Variants in DMRT3 observed in about 807,000 individuals in gnomAD.
DMRT3 encodes the protein doublesex- and mab-3-related transcription factor 3.
In DMRT3, 29 loss-of-function variants were observed where a neutral mutation model predicts 34.9. The ratio of observed to expected loss-of-function variants is 0.83; its 90% CI spans 0.62 to 1.13. The LOEUF is 1.13. Ranked by LOEUF, DMRT3 falls within the 50% of genes most tolerant of loss-of-function variation. The pLI is 0.00. For synonymous variants in DMRT3, 350 were observed against 286.0 expected (o/e 1.22, Z -2.26); for missense variants, 772 against 629.1 (o/e 1.23, Z -2.43).
Position 990,551 on chromosome 9 carries a change from C to A in DMRT3, c.965C>A (p.Pro322His). 2 of 1,614,118 alleles carry A rather than the reference C, an allele frequency of 1.2e-6. No individual in the cohort carries two copies. The highest frequency in any genetic ancestry group is 1.7e-6 in the Non-Finnish European group (2 of 1,180,022). The change falls in exon 2 of 2, where the codon CCC becomes CAC. Residue 322 changes from proline (P) to histidine (H), a missense_variant. Transcript: ENST00000190165. The part of the protein sequence containing the change: ...HIFEHTLSSY[P>H]ISSSKWSVGS... ...TTTGAACACACCTTGAGCTCCTACC[C>A]CATCTCGTCTTCCAAATGGTCTGTG...
chr9:991,484 A>G lies in DMRT3; in HGVS notation c.*479A>G, dbSNP rs1820363457. 1 of 154,932 alleles carries G rather than the reference A, an allele frequency of 6.5e-6. No individual in the cohort carries two copies. Among genetic ancestry groups the G allele is most frequent in the African/African-American group, 2.4e-5 (1 of 41,482 alleles). 9.6% of individuals were successfully genotyped at this position (154,932 alleles called of 1,614,324 possible). Reference sequence around the variant, plus strand: ...TACACTAAAAATCCTTGCATTTTAAAGAGAGATGCACTTAAGAATAGAGTG... The same window carrying G: ...TACACTAAAAATCCTTGCATTTTAAGGAGAGATGCACTTAAGAATAGAGTG... On this transcript the variant is annotated 3_prime_UTR_variant, in exon 2 of 2. Transcript: ENST00000190165.
In DMRT3 at chr9:990,520, C is replaced by T. The variant is rs117758829; in HGVS notation, c.934C>T (p.His312Tyr). ...PESLALPSNG[H>Y]IFEHTLSSYP... ...GAGTCTAGCGTTGCCCTCCAATGGG[C>T]ACATCTTTGAACACACCTTGAGCTC... Residue 312 changes from histidine to tyrosine, a missense_variant, in exon 2 of 2, where the codon CAC becomes TAC. Physicochemically the swap from His to Tyr is moderately conservative, Grantham distance 83 (BLOSUM62 2). Transcript: ENST00000190165. 1.6e-3 allele frequency: 2,589 copies of T among 1,614,140 alleles called. 4 individuals are homozygous for T. The highest frequency in any genetic ancestry group is 2.0e-3 in the Non-Finnish European group (2,352 of 1,180,022).
At chr9:985,615 ATTTAG>A (rs1013685435) in intron 1 of DMRT3, among the ~76,000 whole-genome samples, 1 of 152,344 alleles carries the variant, frequency 6.6e-6, no homozygotes, top group African/African-American at 2.4e-5. Flanking sequence ...TTTACAATAT[ATTTAG>A]TTTAGGTGCA....
chr9:982,307 G>T (rs1353041591), intron 1 of DMRT3, among the ~76,000 whole-genome samples: 1 of 152,180 alleles, frequency 6.6e-6, no homozygotes, highest in African/African-American at 2.4e-5. Context: ...CGGTTTGGCA[G>T]GAAAAACGAG....
chr9:983,042 A>G (rs1003383376), intron 1 of DMRT3, among the ~76,000 whole-genome samples: 7 of 152,196 alleles, frequency 4.6e-5, no homozygotes, highest in African/African-American at 1.7e-4. Context: ...GTTACGTCCC[A>G]CATCGCCTTA....
At chr9:980,685 T>G (rs1449787263) in intron 1 of DMRT3, among the ~76,000 whole-genome samples, 1 of 126,292 alleles carries the variant, frequency 7.9e-6, no homozygotes, top group Non-Finnish European at 1.8e-5. Context: ...TCATACTCCT[T>G]CTCCCCATGA....
chr9:984,045 C>A (rs901181700), intron 1 of DMRT3, among the ~76,000 whole-genome samples: 9 of 151,828 alleles, frequency 5.9e-5, no homozygotes, highest in African/African-American at 2.2e-4. Flanking sequence ...TAAAATAATT[C>A]ATCACTTCTA....
intron 1 of DMRT3, among the ~76,000 whole-genome samples, chr9:988,675 C>G (rs572569879): frequency 6.6e-6 from 1 of 152,002 alleles, no homozygotes; most frequent in South Asian, 2.1e-4. Context: ...GAAATTTCAC[C>G]GGCTGGCTAT....
At chr9:985,317 G>C (rs115267362) in intron 1 of DMRT3, among the ~76,000 whole-genome samples, 1,667 of 152,218 alleles carry the variant, frequency 0.011, 23 homozygotes, top group African/African-American at 0.037. Context: ...AATATTATCA[G>C]TTGATATACA....
At chr9:982,898 G>T (rs907321363) in intron 1 of DMRT3, among the ~76,000 whole-genome samples, 26 of 152,214 alleles carry the variant, frequency 1.7e-4, no homozygotes, top group African/African-American at 6.3e-4. Flanking sequence ...GCCATTAGCT[G>T]CTCAGGTCCT....
chr9:987,758 T>A (rs1438627072), intron 1 of DMRT3, among the ~76,000 whole-genome samples: 1 of 152,146 alleles, frequency 6.6e-6, no homozygotes, highest in African/African-American at 2.4e-5. Flanking sequence ...TACGCTAAAA[T>A]TAAAAAATAA....
chr9:979,054 G>T (rs996147391), intron 1 of DMRT3, among the ~76,000 whole-genome samples: 3 of 152,034 alleles, frequency 2.0e-5, no homozygotes, highest in Non-Finnish European at 4.4e-5. Flanking sequence ...CTCTGGTTCC[G>T]TTTCCCCCAG....
chr9:986,277 T>G (rs531581502), intron 1 of DMRT3, among the ~76,000 whole-genome samples: 9 of 152,278 alleles, frequency 5.9e-5, no homozygotes, highest in Non-Finnish European at 1.3e-4. Flanking sequence ...TTGTCAGACT[T>G]GTAATCCTGG....
chr9:982,970 G>C (rs1820240289), intron 1 of DMRT3, among the ~76,000 whole-genome samples: 1 of 152,170 alleles, frequency 6.6e-6, no homozygotes, highest in African/African-American at 2.4e-5. Context: ...TCATGGCAGA[G>C]GTGGAGGATG....
rs575946035 is a variant in DMRT3 at position 976,945 on chromosome 9, A to G, written c.-57A>G. On this transcript the variant is annotated 5_prime_UTR_variant, in exon 1 of 2. Transcript: ENST00000190165. The surrounding 1 kb of genome is among the most constrained non-coding windows in gnomAD (Gnocchi z 4.5). The stretch of plus-strand genomic sequence containing the variant: ...AGCGGGCCTCGCAGCCCCGCCGTCC[A>G]GCGCTCCCTGGCCCTCTCCCGCAGC... 5,497 of 1,390,294 alleles carry G rather than the reference A, an allele frequency of 4.0e-3. 14 individuals carry two copies. The highest frequency in any genetic ancestry group is 4.6e-3 in the Non-Finnish European group (4,920 of 1,068,978). 86.1% of individuals were successfully genotyped at this position (1,390,294 alleles called of 1,614,324 possible). A position where few individuals can be genotyped will look rare whatever the true frequency, so the allele number is the denominator to read the frequency against.
Position 990,371 on chromosome 9 carries a change from A to G in DMRT3, c.785A>G (p.Gln262Arg), listed in dbSNP as rs1325407392. Reference protein sequence around the residue: ...LEVLKKIFPNQKPTVLELILK... With the variant: ...LEVLKKIFPNRKPTVLELILK... ...GTGTTAAAAAAGATATTCCCCAACC[A>G]GAAGCCAACGGTGCTTGAGCTCATC... The change falls in exon 2 of 2, where the codon CAG (glutamine) becomes CGG (arginine). Residue 262 changes from glutamine to arginine, a missense_variant. Gln to Arg is a conservative substitution (Grantham distance 43). Coordinates refer to ENST00000190165, the MANE Select transcript of DMRT3 (RefSeq NM_021240.4). 1 of 1,614,024 alleles carries G rather than the reference A, an allele frequency of 6.2e-7. No homozygotes were observed. Among genetic ancestry groups the G allele is most frequent in the Non-Finnish European group, 8.5e-7 (1 of 1,180,036 alleles).
At chr9:982,784 C>T (rs1020363600) in intron 1 of DMRT3, among the ~76,000 whole-genome samples, 5 of 152,226 alleles carry the variant, frequency 3.3e-5, no homozygotes, top group African/African-American at 1.2e-4. Context: ...AAACCATGGG[C>T]CTGCCTGCCC....
rs764166688 is a variant in DMRT3 at position 990,870 on chromosome 9, C to T, written c.1284C>T (p.Arg428=). The change falls in exon 2 of 2, where the codon CGC becomes CGT. Residue 428 remains arginine, a synonymous_variant. Coordinates refer to ENST00000190165, the MANE Select transcript of DMRT3 (RefSeq NM_021240.4). ...VFRSSPVLPA[R]ATEDPRISIP... Reference sequence around the variant, plus strand: ...GAAGCTCGCCCGTCCTTCCTGCCCGCGCCACGGAAGACCCTCGGATTTCCA... The same window carrying T: ...GAAGCTCGCCCGTCCTTCCTGCCCGTGCCACGGAAGACCCTCGGATTTCCA... 39 of 1,614,012 alleles carry T rather than the reference C, an allele frequency of 2.4e-5. No individual in the cohort carries two copies. Among genetic ancestry groups the T allele is most frequent in the Admixed American group, 1.7e-4 (10 of 60,008 alleles).
At chr9:986,150 A>G (rs1233599159) in intron 1 of DMRT3, among the ~76,000 whole-genome samples, 2 of 152,240 alleles carry the variant, frequency 1.3e-5, no homozygotes, top group Admixed American at 6.5e-5. Flanking sequence ...AAAATGAGAA[A>G]GTGACTTTCA....
Sources: gnomAD v4.1 joint callset for allele counts (sites outside exome capture counted in the v4.1 genomes callset) on GRCh38, gnomAD v4.1.1 for gene constraint, Gnocchi (gnomAD v3.1) non-coding constraint, MANE v1.5 for transcripts, NCBI Gene and HGNC (gene_info 2026-07-23, HGNC 2026-07-21) for gene names.